Variants in PTPRD observed in about 807,000 individuals in gnomAD.
The protein encoded by PTPRD is protein tyrosine phosphatase receptor type D, also known as receptor-type tyrosine-protein phosphatase delta.
A neutral mutation model predicts 214.5 loss-of-function variants in PTPRD; 34 were observed. That is an observed-to-expected ratio of 0.16 (90% CI 0.12 to 0.21). The LOEUF (loss-of-function observed/expected upper bound fraction) is 0.21, where lower values mean the gene tolerates loss of function less well. Ranked by LOEUF, PTPRD falls within the 10% of genes least tolerant of loss-of-function variation. The pLI is 1.00. For synonymous variants in PTPRD, 1,128 were observed against 845.7 expected (o/e 1.33, Z -5.79); for missense variants, 2,545 against 2,398.7 (o/e 1.06, Z -1.27).
At chr9:10,352,486 C>A (rs1316279341) in intron 2 of PTPRD, among the ~76,000 whole-genome samples, 3 of 152,018 alleles carry the variant, frequency 2.0e-5, no homozygotes, top group Non-Finnish European at 4.4e-5. Flanking sequence ...TTTTACATCA[C>A]CTTTGCAGAC....
At chr9:9,683,836 A>G (rs2097120327) in intron 7 of PTPRD, among the ~76,000 whole-genome samples, 1 of 151,786 alleles carries the variant, frequency 6.6e-6, no homozygotes, top group African/African-American at 2.4e-5. Flanking sequence ...TTATAATCAG[A>G]GTGGCATCTT....
intron 8 of PTPRD, among the ~76,000 whole-genome samples, chr9:9,430,433 T>C (rs200265852): frequency 2.0e-5 from 3 of 151,790 alleles, no homozygotes; most frequent in African/African-American, 4.8e-5. Context: ...ACATTCCATG[T>C]TCATGGACAG....
intron 10 of PTPRD, among the ~76,000 whole-genome samples, chr9:9,124,527 A>G (rs981582820): frequency 1.3e-5 from 2 of 152,208 alleles, no homozygotes; most frequent in African/African-American, 4.8e-5. Context: ...CAATTATAAG[A>G]CTAAAAACAA....
At chr9:8,524,866 C>T (rs1006335071) in intron 18 of PTPRD, 59 bp downstream of exon 18, 24 of 1,367,102 alleles carry the variant, frequency 1.8e-5, no homozygotes, top group African/African-American at 2.9e-5. Flanking sequence ...GACCCTGCGG[C>T]GTCTCAACTC....
At chr9:10,521,376 T>C (rs1423868911) in intron 2 of PTPRD, among the ~76,000 whole-genome samples, 1 of 152,162 alleles carries the variant, frequency 6.6e-6, no homozygotes, top group Non-Finnish European at 1.5e-5. Flanking sequence ...AGTTGCTTCT[T>C]GTGGATGAGC....
intron 11 of PTPRD, among the ~76,000 whole-genome samples, chr9:8,940,280 C>CCTTT (rs763715400): frequency 3.4e-5 from 3 of 89,054 alleles, no homozygotes; most frequent in African/African-American, 1.3e-4. Flanking sequence ...TCTCTCTCTC[C>CCTTT]TTTTTTTTTT....
At chr9:9,670,743 T>C (rs2154386371) in intron 7 of PTPRD, among the ~76,000 whole-genome samples, 1 of 152,310 alleles carries the variant, frequency 6.6e-6, no homozygotes, top group South Asian at 2.1e-4. Flanking sequence ...CCTTGACAGC[T>C]TCCACATGGT....
chr9:10,205,795 T>G (rs1038018135), intron 3 of PTPRD, among the ~76,000 whole-genome samples: 1 of 152,204 alleles, frequency 6.6e-6, no homozygotes, highest in Non-Finnish European at 1.5e-5. Flanking sequence ...TCAACTATTT[T>G]ATAATAATTT....
At chr9:8,712,439 C>T (rs1253361590) in intron 12 of PTPRD, among the ~76,000 whole-genome samples, 1 of 148,930 alleles carries the variant, frequency 6.7e-6, no homozygotes, top group Non-Finnish European at 1.5e-5. Flanking sequence ...ATTTTCGTCA[C>T]TATGTGCCTT....
intron 10 of PTPRD, among the ~76,000 whole-genome samples, chr9:9,088,067 A>C (rs1319285331): frequency 6.6e-6 from 1 of 150,626 alleles, no homozygotes; most frequent in East Asian, 2.0e-4. Flanking sequence ...TTTTTAGTAG[A>C]CACGGGGTTT....
At chr9:10,018,649 G>T (rs1375911384) in intron 4 of PTPRD, among the ~76,000 whole-genome samples, 1 of 137,474 alleles carries the variant, frequency 7.3e-6, no homozygotes, top group Non-Finnish European at 1.5e-5. Flanking sequence ...CCGGGTTCAT[G>T]CCATTCTCCT....
At chr9:9,483,180 G>C (rs2095489557) in intron 8 of PTPRD, among the ~76,000 whole-genome samples, 1 of 152,146 alleles carries the variant, frequency 6.6e-6, no homozygotes, top group African/African-American at 2.4e-5. Flanking sequence ...GAACATGACA[G>C]CAGAAAGACT....
chr9:9,245,131 G>T (rs961980334), intron 9 of PTPRD, among the ~76,000 whole-genome samples: 3 of 152,112 alleles, frequency 2.0e-5, no homozygotes, highest in Admixed American at 2.0e-4. Flanking sequence ...AAAATGTCAG[G>T]TAACAACAGG....
intron 3 of PTPRD, among the ~76,000 whole-genome samples, chr9:10,239,317 GTATT>G (rs1226056590): frequency 8.8e-4 from 134 of 152,044 alleles, no homozygotes; most frequent in Non-Finnish European, 1.2e-3. Context: ...AAGTAAATCT[GTATT>G]TATAGCTGAC....
intron 11 of PTPRD, among the ~76,000 whole-genome samples, chr9:8,834,662 G>A (rs565876482): frequency 7.9e-5 from 12 of 152,098 alleles, no homozygotes; most frequent in African/African-American, 2.9e-4. Flanking sequence ...TACTCATATT[G>A]TTCCTATTTC....
At chr9:10,275,278 T>C (rs1595905401) in intron 3 of PTPRD, among the ~76,000 whole-genome samples, 2 of 152,170 alleles carry the variant, frequency 1.3e-5, no homozygotes, top group Admixed American at 1.3e-4. Flanking sequence ...AAACTTGTTC[T>C]TTTCTTATTT....
intron 9 of PTPRD, among the ~76,000 whole-genome samples, chr9:9,337,567 G>A (rs1029214528): frequency 6.6e-6 from 1 of 152,112 alleles, no homozygotes; most frequent in African/African-American, 2.4e-5. Context: ...TAGTCTCTGA[G>A]AATTTGCTTA....
In PTPRD at chr9:8,409,335, G is replaced by A. The variant is rs1352455208; in HGVS notation, c.4087-4675C>T. Among the ~76,000 whole-genome samples the A allele has an allele frequency of 2.0e-5, 3 of 152,178 alleles. No individual in the cohort carries two copies. The East Asian group carries it at 5.8e-4, about 29-fold the overall frequency. On this transcript the variant is annotated intron_variant, in intron 35 of 45. Coordinates refer to ENST00000381196, the MANE Select transcript of PTPRD (RefSeq NM_002839.4). ...TCCACATATTCTGGCCCTGGAGGCT[G>A]AGGGCCCAGCCACCATAAGATGCTT...
chr9:9,814,230 G>A (rs1181557202), intron 5 of PTPRD, among the ~76,000 whole-genome samples: 7 of 151,498 alleles, frequency 4.6e-5, no homozygotes, highest in Non-Finnish European at 2.9e-5. Context: ...TTTTAAGATC[G>A]GGACCAAGAC....
Sources: gnomAD v4.1 joint callset for allele counts (sites outside exome capture counted in the v4.1 genomes callset) on GRCh38, gnomAD v4.1.1 for gene constraint, MANE v1.5 for transcripts, NCBI Gene and HGNC (gene_info 2026-07-23, HGNC 2026-07-21) for gene names.